The following USP9X variants were observed in gnomAD, a reference collection of about 807,000 sequenced individuals.
USP9X encodes ubiquitin specific peptidase 9 X-linked, also known as ubiquitin carboxyl-terminal hydrolase 9X.
In USP9X, 7 loss-of-function variants were observed where a neutral mutation model predicts 190.3. That is an observed-to-expected ratio of 0.04 (90% confidence interval 0.02 to 0.07). USP9X has a LOEUF of 0.07. USP9X is among the 10% of genes least tolerant of loss of function. USP9X has a pLI of 1.00. For missense variants in USP9X, 1,010 were observed against 1,916.9 expected, an observed-to-expected ratio of 0.53 and a Z score of 8.83; for synonymous variants, 645 against 659.5, an observed-to-expected ratio of 0.98 and a Z score of 0.34.
At chrX:41,113,718 T>C (rs1020881376) in intron 1 of USP9X, among the ~76,000 whole-genome samples, 3 of 111,242 alleles carry the variant, frequency 2.7e-5, no homozygotes, top group Non-Finnish European at 3.8e-5. Flanking sequence ...TTGGAAAATA[T>C]TTTGGAGATT....
intron 14 of USP9X, among the ~76,000 whole-genome samples, chrX:41,160,335 T>A (rs975964162): frequency 9.2e-6 from 1 of 109,233 alleles, no homozygotes; most frequent in East Asian, 2.8e-4. Context: ...TATATATATA[T>A]AAATTTGTCT....
intron 11 of USP9X, among the ~76,000 whole-genome samples, chrX:41,146,971 A>C (rs182598189): frequency 9.0e-5 from 10 of 111,241 alleles, no homozygotes; most frequent in Admixed American, 4.8e-4. Context: ...ATCATAAAAT[A>C]GTTTTAAAAC....
At chrX:41,086,266 C>G (rs897044614) in intron 1 of USP9X, among the ~76,000 whole-genome samples, 157 bp downstream of exon 1, 38 of 111,304 alleles carry the variant, frequency 3.4e-4, no homozygotes, top group Admixed American at 1.3e-3. Context: ...CTCCTCCGGC[C>G]CGGGCTGGGC....
At chrX:41,194,898 T>A (rs2062969031) in intron 26 of USP9X, among the ~76,000 whole-genome samples, 5 of 111,554 alleles carry the variant, frequency 4.5e-5, no homozygotes. Flanking sequence ...TGGAGCATTT[T>A]ATTCTAGTGA....
At chrX:41,144,421 G>C in intron 10 of USP9X, 101 bp from the exon 11 acceptor site, 2 of 654,102 alleles carry the variant, frequency 3.1e-6, no homozygotes, top group Non-Finnish European at 4.9e-6. Flanking sequence ...GTTAAATGAA[G>C]GAGATAGGAG....
intron 36 of USP9X, 85 bp downstream of exon 36, chrX:41,217,428 G>C: frequency 1.9e-6 from 2 of 1,032,116 alleles, no homozygotes; most frequent in Non-Finnish European, 2.6e-6. Flanking sequence ...TCTAAACCAA[G>C]AGAATTTTGT....
chrX:41,196,460 ATATT>A, intron 27 of USP9X, 101 bp downstream of exon 27: 1 of 1,070,753 alleles, frequency 9.3e-7, no homozygotes, highest in Non-Finnish European at 1.3e-6. Context: ...AGGACAGTCT[ATATT>A]TAATAAATGA....
chrX:41,100,834 A>G (rs2062028781), intron 1 of USP9X, among the ~76,000 whole-genome samples: 1 of 110,016 alleles, frequency 9.1e-6, no homozygotes, highest in Non-Finnish European at 1.9e-5. Flanking sequence ...TTTAGTAGAG[A>G]TGGGGTTTCA....
At chrX:41,169,027 T>G (rs1435329955) in intron 18 of USP9X, among the ~76,000 whole-genome samples, 2 of 112,161 alleles carry the variant, frequency 1.8e-5, no homozygotes, top group Non-Finnish European at 1.9e-5. Context: ...AATTTTGATA[T>G]GAAGGCTTTT....
At chrX:41,152,797 G>T in intron 13 of USP9X, 151 bp from the exon 14 acceptor site, 2 of 511,103 alleles carry the variant, frequency 3.9e-6, no homozygotes. Context: ...AGTTTAAGTT[G>T]GTTGTGATAT....
chrX:41,141,509 TTAGTAA>T lies in USP9X; in HGVS notation c.1161+85_1161+90del, dbSNP rs1019725683. 6 of 938,764 alleles carry T rather than the reference TTAGTAA, an allele frequency of 6.4e-6. No homozygotes were observed. The African/African-American group carries it at 8.2e-5, about 13-fold the overall frequency. 77.4% of individuals were successfully genotyped at this position (938,764 alleles called of 1,213,427 possible). A position where few individuals can be genotyped will look rare whatever the true frequency, so the allele number is the denominator to read the frequency against. ...ATTAGAATAGCTCTAGCTAAAAAAA[TTAGTAA>T]TAGTAACATTTTAAAGTAAACTGAA... On this transcript the variant is annotated intron_variant, in intron 9 of 44. Transcript: ENST00000378308.
At chrX:41,117,135 T>G (rs1380442368) in intron 1 of USP9X, among the ~76,000 whole-genome samples, 2 of 111,335 alleles carry the variant, frequency 1.8e-5, no homozygotes, top group Non-Finnish European at 3.8e-5. Context: ...CGAGACTATA[T>G]AAGAGATAGG....
In USP9X at chrX:41,229,971, C is replaced by T. The variant is rs192467656; in HGVS notation, c.7431+192C>T. 33 of 713,180 alleles carry T rather than the reference C, an allele frequency of 4.6e-5. No homozygotes were observed. In the Admixed American group the frequency reaches 1.1e-3, roughly 24 times the overall value. The allele number at this position is 713,180 out of a possible 1,213,427, so 58.8% of individuals were successfully genotyped here. A position where few individuals can be genotyped will look rare whatever the true frequency, so the allele number is the denominator to read the frequency against. ...ATCCCAACACTTTGGGAGGCCGAGG[C>T]AGGCGGATCACCTGAGGTCAGGAGT... On this transcript the variant is annotated intron_variant, in intron 43 of 44. Coordinates refer to ENST00000378308, the MANE Select transcript of USP9X (RefSeq NM_001039591.3).
chrX:41,194,056 T>C (rs1168740290), intron 26 of USP9X, among the ~76,000 whole-genome samples: 1 of 112,040 alleles, frequency 8.9e-6, no homozygotes, highest in African/African-American at 3.2e-5. Context: ...GATTAAGTTA[T>C]GGGCTTGCTC....
intron 1 of USP9X, among the ~76,000 whole-genome samples, chrX:41,097,147 G>A (rs2061997532): frequency 8.9e-6 from 1 of 111,879 alleles, no homozygotes; most frequent in African/African-American, 3.2e-5. Context: ...GTAGCCAGGG[G>A]TATAATTTCT....
At chrX:41,215,871 T>A in intron 34 of USP9X, 28 bp from the exon 35 acceptor site, 1 of 1,162,808 alleles carries the variant, frequency 8.6e-7, no homozygotes. Flanking sequence ...TAATAGAACA[T>A]CTGGTAACTT....
chrX:41,157,246 G>C (rs959279329), intron 14 of USP9X, among the ~76,000 whole-genome samples: 7 of 111,380 alleles, frequency 6.3e-5, no homozygotes, highest in Non-Finnish European at 9.4e-5. Flanking sequence ...TGGAAGACTT[G>C]CTGCATCCTT....
intron 1 of USP9X, among the ~76,000 whole-genome samples, chrX:41,098,313 T>C (rs1291359386): frequency 9.2e-6 from 1 of 109,118 alleles, no homozygotes; most frequent in African/African-American, 3.3e-5. Context: ...GCTAATTTTG[T>C]ATTTTTAGTA....
chrX:41,224,582 G>C (rs947556513), intron 39 of USP9X, among the ~76,000 whole-genome samples, 160 bp from the exon 40 acceptor site: 4 of 111,407 alleles, frequency 3.6e-5, no homozygotes, highest in Non-Finnish European at 7.5e-5. Context: ...GTTGCAGTGA[G>C]CTGAGATCGC....
Sources: allele counts gnomAD v4.1 joint callset (sites outside exome capture counted in the v4.1 genomes callset), GRCh38; gene constraint gnomAD v4.1.1; transcripts MANE v1.5; gene names NCBI Gene and HGNC (gene_info 2026-07-23, HGNC 2026-07-21).